Variants in PCCA observed in about 807,000 individuals in gnomAD.
The protein encoded by PCCA is propionyl-CoA carboxylase subunit alpha.
In PCCA, 74 loss-of-function variants were observed where a neutral mutation model predicts 101.3. The ratio of observed to expected loss-of-function variants is 0.73; its 90% confidence interval spans 0.61 to 0.89. The LOEUF is 0.89. Among genes scored for constraint, PCCA ranks in the 40% least tolerant of loss-of-function variants. The pLI, the probability that PCCA is intolerant of heterozygous loss-of-function variation, is 0.00. For missense variants in PCCA, 891 were observed against 907.0 expected (o/e 0.98, Z 0.23); for synonymous variants, 294 against 313.6 (o/e 0.94, Z 0.66).
chr13:100,407,401 T>C (rs1025035366), intron 19 of PCCA, among the ~76,000 whole-genome samples: 6 of 152,228 alleles, frequency 3.9e-5, no homozygotes, highest in Non-Finnish European at 8.8e-5. Context: ...TTAAATACTT[T>C]GTGTTATAAA....
intron 9 of PCCA, among the ~76,000 whole-genome samples, chr13:100,259,555 G>T (rs1232287271): frequency 2.0e-5 from 3 of 151,734 alleles, no homozygotes; most frequent in African/African-American, 4.8e-5. Flanking sequence ...GGATGGTCTC[G>T]ATCTCTTGAC....
intron 21 of PCCA, among the ~76,000 whole-genome samples, chr13:100,503,494 C>T (rs1006726262): frequency 2.0e-5 from 3 of 151,460 alleles, no homozygotes; most frequent in Non-Finnish European, 4.4e-5. Flanking sequence ...CCATCCCCCC[C>T]CAAAAAAGAA....
intron 18 of PCCA, among the ~76,000 whole-genome samples, chr13:100,353,945 C>T (rs1036575402): frequency 2.0e-5 from 3 of 151,622 alleles, no homozygotes; most frequent in African/African-American, 7.3e-5. Flanking sequence ...AAAGTGAGAC[C>T]CTATCTCAAA....
Position 100,226,515 on chromosome 13 carries a change from G to A in PCCA, c.601-9327G>A, listed in dbSNP as rs149792867. On this transcript the variant is annotated intron_variant, in intron 7 of 23. Coordinates refer to ENST00000376285, the MANE Select transcript of PCCA (RefSeq NM_000282.4). ...AAATGTATGGGTGTTTAGCATCTGGGAAGAATGATTCGAATGTGCCTGTCT... is the reference window on the plus strand; with the variant it reads ...AAATGTATGGGTGTTTAGCATCTGGAAAGAATGATTCGAATGTGCCTGTCT... Among the ~76,000 whole-genome samples the A allele has an allele frequency of 8.9e-4, 135 of 152,292 alleles. 1 individual carries two copies. The highest frequency in any genetic ancestry group is 3.2e-3 in the African/African-American group (133 of 41,572).
At chr13:100,231,929 T>C (rs1301267361) in intron 7 of PCCA, among the ~76,000 whole-genome samples, 1 of 152,160 alleles carries the variant, frequency 6.6e-6, no homozygotes, top group Non-Finnish European at 1.5e-5. Context: ...GCTTAAACTT[T>C]CCTGTGCGTT....
chr13:100,218,825 G>A (rs2059660538), intron 7 of PCCA, among the ~76,000 whole-genome samples: 1 of 152,208 alleles, frequency 6.6e-6, no homozygotes, highest in African/African-American at 2.4e-5. Flanking sequence ...GATCTTAACA[G>A]ACTAGAGAAC....
intron 21 of PCCA, among the ~76,000 whole-genome samples, chr13:100,493,833 T>C (rs536041353): frequency 6.6e-6 from 1 of 152,320 alleles, no homozygotes; most frequent in South Asian, 2.1e-4. Context: ...GCTTTCAGCT[T>C]CTCTTTAAAG....
intron 7 of PCCA, among the ~76,000 whole-genome samples, chr13:100,220,342 C>T (rs925252736): frequency 3.9e-5 from 6 of 152,082 alleles, no homozygotes; most frequent in African/African-American, 1.4e-4. Flanking sequence ...TAACTGCAAC[C>T]TCCACCTCCC....
intron 4 of PCCA, among the ~76,000 whole-genome samples, chr13:100,147,639 C>A (rs1434406471): frequency 6.6e-6 from 1 of 152,184 alleles, no homozygotes. Context: ...ACTTTGAATG[C>A]ATGTGTGATA....
chr13:100,090,143 A>G (rs1177280545), intron 1 of PCCA, among the ~76,000 whole-genome samples: 1 of 152,222 alleles, frequency 6.6e-6, no homozygotes, highest in African/African-American at 2.4e-5. Flanking sequence ...AACTTGATTT[A>G]TAGTCATTTA....
chr13:100,277,424 C>CCCTT, intron 12 of PCCA, among the ~76,000 whole-genome samples: 1 of 152,086 alleles, frequency 6.6e-6, no homozygotes, highest in South Asian at 2.1e-4. Flanking sequence ...TTTGGCTGAT[C>CCCTT]CCTTCCTATA....
intron 6 of PCCA, among the ~76,000 whole-genome samples, chr13:100,198,773 A>G (rs2058287895): frequency 6.6e-6 from 1 of 152,134 alleles, no homozygotes; most frequent in African/African-American, 2.4e-5. Flanking sequence ...TGCTGGGATT[A>G]CAGGAGTGAG....
chr13:100,225,893 G>C (rs1054232848), intron 7 of PCCA, among the ~76,000 whole-genome samples: 5 of 152,098 alleles, frequency 3.3e-5, no homozygotes, highest in Non-Finnish European at 7.4e-5. Context: ...CCGGTTTCAA[G>C]TGATTCTTGT....
At chr13:100,142,037 T>A (rs2051937703) in intron 4 of PCCA, among the ~76,000 whole-genome samples, 1 of 151,782 alleles carries the variant, frequency 6.6e-6, no homozygotes, top group Non-Finnish European at 1.5e-5. Flanking sequence ...TACTTGGAAA[T>A]TCATTTTTTC....
At chr13:100,478,377 G>A (rs2152964745) in intron 21 of PCCA, among the ~76,000 whole-genome samples, 1 of 152,266 alleles carries the variant, frequency 6.6e-6, no homozygotes, top group South Asian at 2.1e-4. Context: ...AGCCTGCTCT[G>A]GCGAGTGTCC....
Position 100,506,331 on chromosome 13 carries a change from C to T in PCCA, c.1900-9096C>T, listed in dbSNP as rs569649349. ...AACCCCAAGATTCTTAGGCAACCCC[C>T]CTACCAGCGCTCATTTCTGCTACTT... On this transcript the variant is annotated intron_variant, in intron 21 of 23. Transcript: ENST00000376285. Among the ~76,000 whole-genome samples the T allele has an allele frequency of 2.0e-5, 3 of 151,190 alleles. No homozygotes were observed. In the East Asian group the frequency reaches 5.9e-4, roughly 30 times the overall value.
chr13:100,362,987 C>A (rs2074789729), intron 18 of PCCA, among the ~76,000 whole-genome samples: 1 of 152,164 alleles, frequency 6.6e-6, no homozygotes, highest in Non-Finnish European at 1.5e-5. Context: ...TGTAAGTTCT[C>A]ACATAATAAG....
At chr13:100,385,753 G>C (rs2076465674) in intron 19 of PCCA, among the ~76,000 whole-genome samples, 1 of 152,086 alleles carries the variant, frequency 6.6e-6, no homozygotes, top group Admixed American at 6.6e-5. Flanking sequence ...CTCCTGAATA[G>C]CTGAATAGTC....
chr13:100,167,871 A>G (rs2055210134), intron 6 of PCCA, among the ~76,000 whole-genome samples: 1 of 152,146 alleles, frequency 6.6e-6, no homozygotes, highest in Non-Finnish European at 1.5e-5. Flanking sequence ...GGTTCATGCC[A>G]TTCTCCTGCC....
Sources: gnomAD v4.1 joint callset for allele counts (sites outside exome capture counted in the v4.1 genomes callset) on GRCh38, gnomAD v4.1.1 for gene constraint, MANE v1.5 for transcripts, NCBI Gene and HGNC (gene_info 2026-07-23, HGNC 2026-07-21) for gene names.